Variants in FRMPD3 observed in about 807,000 individuals in gnomAD.
The protein encoded by FRMPD3 is FERM and PDZ domain-containing protein 3.
In FRMPD3, 42 loss-of-function variants were observed where a neutral mutation model predicts 97.9. The ratio of observed to expected loss-of-function variants is 0.43; its 90% confidence interval spans 0.34 to 0.55. The LOEUF (loss-of-function observed/expected upper bound fraction) is 0.55, where lower values mean the gene tolerates loss of function less well. Among genes scored for constraint, FRMPD3 ranks in the 20% least tolerant of loss-of-function variants. The pLI is 0.03. For missense variants in FRMPD3, 1,303 were observed against 1,457.7 expected, an observed-to-expected ratio of 0.89 and a Z score of 1.73; for synonymous variants, 577 against 581.1, an observed-to-expected ratio of 0.99 and a Z score of 0.10.
chrX:107,599,777 A>G (rs1924401108), intron 14 of FRMPD3, among the ~76,000 whole-genome samples: 1 of 109,784 alleles, frequency 9.1e-6, no homozygotes, highest in South Asian at 4.0e-4. Context: ...TCCCCTTCTT[A>G]TAGCTTGCCC....
At chrX:107,548,097 T>C (rs1921699685) in intron 5 of FRMPD3, among the ~76,000 whole-genome samples, 1 of 112,142 alleles carries the variant, frequency 8.9e-6, no homozygotes, top group South Asian at 3.7e-4. Flanking sequence ...CCATGCTTTG[T>C]CCATGATCCA....
intron 1 of FRMPD3, among the ~76,000 whole-genome samples, chrX:107,499,548 G>A (rs955797469): frequency 9.0e-6 from 1 of 111,692 alleles, no homozygotes; most frequent in South Asian, 3.8e-4. Context: ...ATTTAGATCC[G>A]GCTGAAACTT....
intron 14 of FRMPD3, among the ~76,000 whole-genome samples, chrX:107,599,592 C>CAGA (rs1463198679): frequency 8.9e-6 from 1 of 112,037 alleles, no homozygotes; most frequent in Non-Finnish European, 1.9e-5. Flanking sequence ...TAGAGAGAGA[C>CAGA]CTCTCTTTGC....
chrX:107,469,985 C>T (rs981365328), intron 1 of FRMPD3, among the ~76,000 whole-genome samples: 24 of 111,664 alleles, frequency 2.1e-4, no homozygotes, highest in African/African-American at 6.5e-4. Flanking sequence ...CCCCAGTAAT[C>T]GTTTCTATTA....
chrX:107,459,421 C>G (rs1931429121), intron 1 of FRMPD3, among the ~76,000 whole-genome samples: 1 of 112,203 alleles, frequency 8.9e-6, no homozygotes, highest in Non-Finnish European at 1.9e-5. Context: ...AGCTGGAGCC[C>G]TGTTGCAGCT....
chrX:107,454,802 T>C (rs1449906973), intron 1 of FRMPD3, among the ~76,000 whole-genome samples: 2 of 111,889 alleles, frequency 1.8e-5, no homozygotes, highest in African/African-American at 6.5e-5. Flanking sequence ...TTTCTCATGC[T>C]TGGTCCACAT....
At chrX:107,462,178 A>G (rs1471867957) in intron 1 of FRMPD3, among the ~76,000 whole-genome samples, 3 of 111,531 alleles carry the variant, frequency 2.7e-5, no homozygotes, top group African/African-American at 9.8e-5. Flanking sequence ...AATATAGAGG[A>G]AAAAAAAGCA....
intron 1 of FRMPD3, among the ~76,000 whole-genome samples, chrX:107,465,840 A>G (rs1931551218): frequency 1.8e-5 from 2 of 110,958 alleles, no homozygotes; most frequent in Non-Finnish European, 3.8e-5. Context: ...AAATACATCA[A>G]ATAAAATACT....
chrX:107,490,294 TGG>T (rs1921624578), intron 1 of FRMPD3, among the ~76,000 whole-genome samples: 1 of 112,314 alleles, frequency 8.9e-6, no homozygotes, highest in Non-Finnish European at 1.9e-5. Context: ...TTTGTTCTTT[TGG>T]CTTAGGATTG....
chrX:107,597,451 G>A lies in FRMPD3; in HGVS notation c.1572G>A (p.Glu524=). 1 of 1,211,092 alleles carries A rather than the reference G, an allele frequency of 8.3e-7. No individual in the cohort carries two copies. The highest frequency in any genetic ancestry group is 1.1e-6 in the Non-Finnish European group (1 of 895,494). Residue 524 remains glutamate, a synonymous_variant, in exon 14 of 15, where the codon GAG becomes GAA. Transcript: ENST00000683843. ...SRCTPPPADS[E]LVSFCYLHMR... is the part of the protein sequence containing the mutation. ...GCACGCCCCCACCTGCCGACTCTGA[G>A]CTTGTCAGCTTCTGCTACCTCCATA...
rs993339837 is a variant in FRMPD3 at position 107,598,044 on chromosome X, C to A, written c.2165C>A (p.Ala722Asp). ...SVQTRTVRDHAQELDDALVST... is the reference protein window; with the variant it reads ...SVQTRTVRDHDQELDDALVST... Reference sequence around the variant, plus strand: ...CAGACCCGGACAGTTCGAGATCATGCCCAGGAGCTAGATGATGCCCTGGTG... The same window carrying A: ...CAGACCCGGACAGTTCGAGATCATGACCAGGAGCTAGATGATGCCCTGGTG... Residue 722 changes from alanine (A) to aspartate (D), a missense_variant, in exon 14 of 15, where the codon GCC (alanine) becomes GAC (aspartate). Coordinates refer to ENST00000683843, the MANE Select transcript of FRMPD3 (RefSeq NM_001388459.1). The A allele has an allele frequency of 5.8e-6, 7 of 1,210,592 alleles. No homozygotes were observed. Among genetic ancestry groups the A allele is most frequent in the Non-Finnish European group, 7.8e-6 (7 of 895,168 alleles).
In FRMPD3 at chrX:107,602,783, G is replaced by T. The variant is rs1343058990; in HGVS notation, c.4744G>T (p.Ala1582Ser). Residue 1582 changes from alanine (A) to serine (S), a missense_variant, in exon 15 of 15, where the codon GCC (alanine) becomes TCC (serine). Around this residue, in one of 3 missense-constraint regions of FRMPD3, gnomAD observed 764 missense variants for 820.2 expected, o/e 0.93. Transcript: ENST00000683843. ...GSLAKINALRAHAYGLPDGFL... is the reference protein window; with the variant it reads ...GSLAKINALRSHAYGLPDGFL... Reference sequence around the variant, plus strand: ...CCTGGCCAAGATCAATGCCCTGCGGGCCCATGCCTATGGCCTCCCTGATGG... The same window carrying T: ...CCTGGCCAAGATCAATGCCCTGCGGTCCCATGCCTATGGCCTCCCTGATGG... 6 of 1,210,003 alleles carry T rather than the reference G, an allele frequency of 5.0e-6. No individual in the cohort carries two copies. Among genetic ancestry groups the T allele is most frequent in the Non-Finnish European group, 6.7e-6 (6 of 895,018 alleles).
intron 13 of FRMPD3, among the ~76,000 whole-genome samples, chrX:107,597,050 G>A (rs935098945): frequency 9.0e-5 from 10 of 111,310 alleles, no homozygotes; most frequent in African/African-American, 2.9e-4. Context: ...TGTTCACCCC[G>A]ACCCCTACCA....
At chrX:107,530,587 C>T in intron 3 of FRMPD3, 76 bp downstream of exon 3, 1 of 682,758 alleles carries the variant, frequency 1.5e-6, no homozygotes, top group Non-Finnish European at 2.3e-6. Context: ...CCACCACTAT[C>T]CCCCCCTCGC....
At chrX:107,585,432 A>G (rs1164993493) in intron 13 of FRMPD3, among the ~76,000 whole-genome samples, 1 of 111,382 alleles carries the variant, frequency 9.0e-6, no homozygotes, top group Non-Finnish European at 1.9e-5. Context: ...AATACACTTT[A>G]TTTCTTTCTT....
chrX:107,514,527 T>C (rs1159817363), intron 1 of FRMPD3, among the ~76,000 whole-genome samples: 1 of 105,351 alleles, frequency 9.5e-6, no homozygotes, highest in African/African-American at 3.6e-5. Flanking sequence ...CTTTTCCTTT[T>C]CCTTTTTTTT....
chrX:107,576,583 C>A, intron 13 of FRMPD3, 124 bp downstream of exon 13: 1 of 747,553 alleles, frequency 1.3e-6, no homozygotes, highest in Non-Finnish European at 2.0e-6. Flanking sequence ...TTGCCAGGAG[C>A]CAACACTGTA....
At chrX:107,495,242 T>G (rs971577121) in intron 1 of FRMPD3, among the ~76,000 whole-genome samples, 7 of 111,309 alleles carry the variant, frequency 6.3e-5, no homozygotes, top group African/African-American at 2.3e-4. Context: ...CCTCTCTTCT[T>G]CAGCTCTTTG....
chrX:107,467,346 C>T (rs184071659), intron 1 of FRMPD3, among the ~76,000 whole-genome samples: 90 of 108,900 alleles, frequency 8.3e-4, no homozygotes, highest in Admixed American at 3.0e-3. Flanking sequence ...TGGTGGCCTC[C>T]GAGGACTGAC....
Sources: gnomAD v4.1 joint callset for allele counts (sites outside exome capture counted in the v4.1 genomes callset) on GRCh38, gnomAD v4.1.1 for gene constraint, gnomAD v4.1.1 regional missense constraint, MANE v1.5 for transcripts, NCBI Gene and HGNC (gene_info 2026-07-23, HGNC 2026-07-21) for gene names.